Variants in SMYD4 observed in about 807,000 individuals in gnomAD.
The protein encoded by SMYD4 is protein-lysine N-methyltransferase SMYD4.
SMYD4 carries 68 observed loss-of-function variants against 72.8 expected under a neutral mutation model. That is an observed-to-expected ratio of 0.93 (90% CI 0.77 to 1.14). SMYD4 has a LOEUF of 1.14. SMYD4 is among the 50% of genes most tolerant of loss of function. SMYD4 has a pLI of 0.00. For synonymous variants in SMYD4, 407 were observed against 388.6 expected (o/e 1.05, Z -0.56); for missense variants, 984 against 1,003.7 (o/e 0.98, Z 0.27).
intron 3 of SMYD4, among the ~76,000 whole-genome samples, chr17:1,811,093 G>A (rs767258316): frequency 4.6e-5 from 7 of 152,212 alleles, no homozygotes; most frequent in Admixed American, 1.3e-4. Flanking sequence ...AACACAAGCC[G>A]CGTATAGACA....
intron 4 of SMYD4, among the ~76,000 whole-genome samples, chr17:1,801,672 C>A: frequency 6.8e-6 from 1 of 147,974 alleles, no homozygotes; most frequent in Non-Finnish European, 1.5e-5. Context: ...TCCAAGCAGA[C>A]CTGCATTCAA....
chr17:1,824,533 G>A (rs1304234603), intron 2 of SMYD4, among the ~76,000 whole-genome samples: 2 of 152,134 alleles, frequency 1.3e-5, no homozygotes, highest in Non-Finnish European at 2.9e-5. Flanking sequence ...GACCTGATGG[G>A]AGGTAACAGA....
At chr17:1,826,564 C>G (rs2151257973) in intron 2 of SMYD4, among the ~76,000 whole-genome samples, 1 of 151,450 alleles carries the variant, frequency 6.6e-6, no homozygotes, top group South Asian at 2.1e-4. Context: ...AAGTATAACC[C>G]TAACTGTACC....
intron 5 of SMYD4, among the ~76,000 whole-genome samples, chr17:1,792,118 G>A (rs1013121173): frequency 2.0e-5 from 3 of 151,652 alleles, no homozygotes; most frequent in African/African-American, 7.3e-5. Flanking sequence ...TCGCGGCTCA[G>A]TGCAAGCTCC....
chr17:1,783,495 G>A lies in SMYD4; in HGVS notation c.2021-19C>T. On this transcript the variant is annotated intron_variant, in intron 8 of 10. Transcript: ENST00000305513. ...GCTCGCTCTGTCAATGCAGAGGAAA[G>A]ACGTCTCACTATAGACAGAAGCCCA... The A allele has an allele frequency of 1.3e-6, 2 of 1,588,376 alleles. No homozygotes were observed. Among genetic ancestry groups the A allele is most frequent in the Non-Finnish European group, 1.7e-6 (2 of 1,167,304 alleles).
chr17:1,786,283 G>A (rs1004814394), intron 7 of SMYD4, among the ~76,000 whole-genome samples: 1 of 152,248 alleles, frequency 6.6e-6, no homozygotes, highest in Non-Finnish European at 1.5e-5. Context: ...TCTATCTGAG[G>A]ATGGGCTAAC....
At chr17:1,827,025 C>A (rs563621662) in intron 2 of SMYD4, among the ~76,000 whole-genome samples, 1 of 151,904 alleles carries the variant, frequency 6.6e-6, no homozygotes, top group African/African-American at 2.4e-5. Context: ...TGATGGTGTA[C>A]GCCTGTAATC....
At chr17:1,796,966 A>G (rs1909440053) in intron 5 of SMYD4, among the ~76,000 whole-genome samples, 1 of 152,228 alleles carries the variant, frequency 6.6e-6, no homozygotes. Context: ...AGGAAAACAC[A>G]GGCTAACCTG....
At chr17:1,812,618 G>T (rs1255852914) in intron 2 of SMYD4, among the ~76,000 whole-genome samples, 1 of 142,900 alleles carries the variant, frequency 7.0e-6, no homozygotes, top group East Asian at 2.1e-4. Flanking sequence ...TCATGATCTC[G>T]GCTCGCTGCA....
Position 1,824,772 on chromosome 17 carries a change from G to A in SMYD4, c.134+3089C>T, listed in dbSNP as rs551714231. Among the ~76,000 whole-genome samples, 142 of 151,964 alleles carry A rather than the reference G, an allele frequency of 9.3e-4. 1 individual carries two copies. Among genetic ancestry groups the A allele is most frequent in the East Asian group, 3.5e-3 (18 of 5,152 alleles). On this transcript the variant is annotated intron_variant, in intron 2 of 10. Transcript: ENST00000305513. Reference sequence around the variant, plus strand: ...GTAGGTGCGGTTACAGGCACATGCCGCAATGCCTGGCTAATTTTTTTTTTG... The same window carrying A: ...GTAGGTGCGGTTACAGGCACATGCCACAATGCCTGGCTAATTTTTTTTTTG...
At position 1,783,126 on chromosome 17, in the gene SMYD4, T is replaced by C. The variant is rs766683836; in HGVS notation, c.2170A>G (p.Arg724Gly). ...DWQKSATHLQ[R>G]SLYVVEVRHG... ...CGAACCTCCACCACGTAGAGACTCCTCTGTAGATGGGTGGCTGACTTTTGC... is the reference window on the plus strand; with the variant it reads ...CGAACCTCCACCACGTAGAGACTCCCCTGTAGATGGGTGGCTGACTTTTGC... The change falls in exon 10 of 11, where the codon AGG becomes GGG. Residue 724 changes from arginine (R) to glycine (G), a missense_variant. Coordinates refer to ENST00000305513, the MANE Select transcript of SMYD4 (RefSeq NM_052928.3). The C allele has an allele frequency of 6.2e-7, 1 of 1,614,150 alleles. No individual in the cohort carries two copies. Among genetic ancestry groups the C allele is most frequent in the South Asian group, 1.1e-5 (1 of 91,090 alleles).
chr17:1,784,242 T>C lies in SMYD4; in HGVS notation c.2020+84A>G, dbSNP rs576582591. 1,152 of 1,587,670 alleles carry C rather than the reference T, an allele frequency of 7.3e-4. 8 individuals carry two copies. The highest frequency in any genetic ancestry group is 1.0e-4 in the Non-Finnish European group (120 of 1,163,078). On this transcript the variant is annotated intron_variant, in intron 8 of 10. Coordinates refer to ENST00000305513, the MANE Select transcript of SMYD4 (RefSeq NM_052928.3). Reference sequence around the variant, plus strand: ...TAATTACATCCAATTCTCCCATCAGTACTGAGTATCCCTGAGTCCAAAACG... The same window carrying C: ...TAATTACATCCAATTCTCCCATCAGCACTGAGTATCCCTGAGTCCAAAACG...
rs925913418 is a variant in SMYD4, at chr17:1,829,822, T to C, written c.-109A>G. 13 of 270,940 alleles carry C rather than the reference T, an allele frequency of 4.8e-5. No individual in the cohort carries two copies. Among genetic ancestry groups the C allele is most frequent in the African/African-American group, 2.7e-4 (12 of 44,522 alleles). The allele number at this position is 270,940 out of a possible 1,614,324, so 16.8% of individuals were successfully genotyped here. ...GTCTCCCTCCCAGCGCCCGCGCAGC[T>C]CCTGGCGCGCCCCTTGGCGCCCCGC... On this transcript the variant is annotated 5_prime_UTR_variant, in exon 1 of 11. Transcript: ENST00000305513.
intron 2 of SMYD4, among the ~76,000 whole-genome samples, chr17:1,812,603 C>T (rs571956339): frequency 5.4e-4 from 71 of 131,064 alleles, no homozygotes; most frequent in Non-Finnish European, 4.6e-4. Flanking sequence ...GGCTGGAGTG[C>T]AGAATCATGA....
rs1413046456 is a variant in SMYD4 at position 1,800,453 on chromosome 17, T to A, written c.941A>T (p.Tyr314Phe). The A allele has an allele frequency of 1.2e-6, 2 of 1,614,198 alleles. No individual in the cohort carries two copies. Among genetic ancestry groups the A allele is most frequent in the Non-Finnish European group, 1.7e-6 (2 of 1,180,044 alleles). Residue 314 changes from tyrosine to phenylalanine, a missense_variant, in exon 5 of 11, where the codon TAT becomes TTT. By Grantham distance (22) the Tyr-to-Phe change is conservative. Transcript: ENST00000305513. ...LATVPCDGCS[Y>F]AKYCSQECLQ... ...ACACTCCTGGCTGCAATACTTGGCA[T>A]AACTGCATCCGTCACACGGAACTGT...
intron 5 of SMYD4, among the ~76,000 whole-genome samples, chr17:1,795,631 C>T (rs1016718340): frequency 2.0e-5 from 3 of 151,452 alleles, no homozygotes; most frequent in African/African-American, 4.9e-5. Context: ...TTAATAGAGA[C>T]GGGTTTCACC....
At chr17:1,787,880 A>C (rs1387840441) in intron 5 of SMYD4, among the ~76,000 whole-genome samples, 1 of 152,242 alleles carries the variant, frequency 6.6e-6, no homozygotes, top group East Asian at 1.9e-4. Flanking sequence ...AGAACTTATA[A>C]AGAAGTAATA....
chr17:1,807,282 C>T (rs1597386384), intron 3 of SMYD4, among the ~76,000 whole-genome samples: 1 of 151,586 alleles, frequency 6.6e-6, no homozygotes, highest in Non-Finnish European at 1.5e-5. Context: ...TAAATTGATA[C>T]ATCCATTTAA....
chr17:1,785,358 G>A (rs1375707754), intron 7 of SMYD4, among the ~76,000 whole-genome samples: 1 of 148,332 alleles, frequency 6.7e-6, no homozygotes, highest in African/African-American at 2.5e-5. Flanking sequence ...CCCGGGAGGT[G>A]GAGCTTGCAG....
Sources: gnomAD v4.1 joint callset for allele counts (sites outside exome capture counted in the v4.1 genomes callset) on GRCh38, gnomAD v4.1.1 for gene constraint, MANE v1.5 for transcripts, NCBI Gene and HGNC (gene_info 2026-07-23, HGNC 2026-07-21) for gene names.